Variants in NCAPD3 observed in about 807,000 individuals in gnomAD.
NCAPD3 encodes condensin-2 complex subunit D3.
In NCAPD3, 105 loss-of-function variants were observed where a neutral mutation model predicts 182.9. The ratio of observed to expected loss-of-function variants is 0.57; its 90% CI spans 0.49 to 0.68. The LOEUF (loss-of-function observed/expected upper bound fraction) is 0.68. NCAPD3 is among the 30% of genes least tolerant of loss of function. The pLI is 0.00. For missense variants in NCAPD3, 1,944 were observed against 1,837.0 expected, an observed-to-expected ratio of 1.06 and a Z score of -1.07; for synonymous variants, 815 against 679.9, an observed-to-expected ratio of 1.20 and a Z score of -3.09.
intron 16 of NCAPD3, among the ~76,000 whole-genome samples, chr11:134,189,567 GT>G (rs1944481694): frequency 6.6e-6 from 1 of 151,906 alleles, no homozygotes; most frequent in Non-Finnish European, 1.5e-5. Flanking sequence ...CTTTTTTGAG[GT>G]TTTCCTCTAC....
At chr11:134,180,131 C>G (rs1276119007) in intron 20 of NCAPD3, among the ~76,000 whole-genome samples, 1 of 152,004 alleles carries the variant, frequency 6.6e-6, no homozygotes, top group Admixed American at 6.6e-5. Context: ...AGCCCTGGGC[C>G]AAGCCTGTGC....
chr11:134,172,469 C>T (rs982529863), intron 24 of NCAPD3, among the ~76,000 whole-genome samples: 1 of 152,192 alleles, frequency 6.6e-6, no homozygotes. Flanking sequence ...CAGATAGTCG[C>T]GTGCTTGCTT....
chr11:134,225,412 G>A (rs1183281474), upstream of NCAPD3: 1 of 1,507,902 alleles, frequency 6.6e-7, no homozygotes. Context: ...GTGATTCAGG[G>A]CCCAGCTCCT....
At chr11:134,195,600 G>A (rs952406621) in intron 13 of NCAPD3, among the ~76,000 whole-genome samples, 2 of 151,820 alleles carry the variant, frequency 1.3e-5, no homozygotes, top group African/African-American at 4.8e-5. Context: ...ATAGTGAAAA[G>A]GCTGGATGTG....
chr11:134,209,122 C>A, intron 6 of NCAPD3, 23 bp downstream of exon 6: 1 of 1,605,868 alleles, frequency 6.2e-7, no homozygotes, highest in South Asian at 1.1e-5. Context: ...TAAATTGTAG[C>A]ACTGGAAGAT....
chr11:134,192,899 C>T lies in NCAPD3; in HGVS notation c.1835G>A (p.Arg612Lys). 1 of 1,603,616 alleles carries T rather than the reference C, an allele frequency of 6.2e-7. No individual in the cohort carries two copies. The highest frequency in any genetic ancestry group is 8.5e-7 in the Non-Finnish European group (1 of 1,170,560). Residue 612 changes from arginine to lysine, a missense_variant, in exon 16 of 35, where the codon AGA becomes AAA. Physicochemically the swap from Arg to Lys is conservative, Grantham distance 26 (BLOSUM62 2). Around this residue, in one of 3 missense-constraint regions of NCAPD3, gnomAD observed 1,803 missense variants for 1,674.6 expected, o/e 1.08. Transcript: ENST00000534548. ...CCAGGCTTTCTGGATCTGCACGCATCTAGGCTGAGCCTTAGGAGTGAAAGA... is the reference window on the plus strand; with the variant it reads ...CCAGGCTTTCTGGATCTGCACGCATTTAGGCTGAGCCTTAGGAGTGAAAGA... The part of the protein sequence containing the change: ...SLTELLMAQP[R>K]CVQIQKAWLR...
At chr11:134,164,354 G>A (rs78990206) in intron 27 of NCAPD3, among the ~76,000 whole-genome samples, 10,586 of 152,306 alleles carry the variant, frequency 0.07, 1,275 homozygotes, top group African/African-American at 0.24. Context: ...AGAGACACCC[G>A]GAGCACGTCC....
At chr11:134,161,930 CT>C (rs1215609186) in intron 27 of NCAPD3, 39 bp from the exon 28 acceptor site, 1 of 1,114,496 alleles carries the variant, frequency 9.0e-7, no homozygotes, top group Admixed American at 2.5e-5. Flanking sequence ...GATGTATGAA[CT>C]TCTGAAAGAC....
rs774185836 is a variant in NCAPD3, at chr11:134,168,161, C to G, written c.3408G>C (p.Leu1136=). Residue 1136 remains leucine, a synonymous_variant, in exon 27 of 35, where the codon CTG becomes CTC. Transcript: ENST00000534548. ...CFADGILPLD[L]DASELLSDTF... is the part of the protein sequence containing the mutation. ...TGTCTGAGAGTAACTCACTGGCGTC[C>G]AGGTCCAGGGGTAGGATGCCATCAG... 5.6e-6 allele frequency: 9 copies of G among 1,614,010 alleles called. No individual in the cohort carries two copies. The Admixed American group carries it at 1.5e-4, about 27-fold the overall frequency.
At chr11:134,224,946 C>T (rs1412527335), upstream of NCAPD3, 4 of 342,492 alleles carry the variant, frequency 1.2e-5, no homozygotes, top group Non-Finnish European at 1.9e-5. Context: ...TGCCCCTCCC[C>T]CGTGGAGCCG....
At chr11:134,189,707 ATTGGGC>A (rs1322103282) in intron 16 of NCAPD3, among the ~76,000 whole-genome samples, 2 of 152,184 alleles carry the variant, frequency 1.3e-5, no homozygotes, top group African/African-American at 2.4e-5. Context: ...ATGTGTGCTT[ATTGGGC>A]ATGGGGTTTT....
rs112640641 is a variant in NCAPD3 at position 134,204,970 on chromosome 11, C to T, written c.1018G>A (p.Ala340Thr). ...CRNQAVQFIS[A>T]LVDELKESIF... ...CTCTCCTTTAATTCATCCACAAGGGCGCTTTGTAAAAGAAAAACACATCTA... is the reference window on the plus strand; with the variant it reads ...CTCTCCTTTAATTCATCCACAAGGGTGCTTTGTAAAAGAAAAACACATCTA... The change falls in exon 9 of 35, where the codon GCC becomes ACC. Residue 340 changes from alanine (A) to threonine (T), a missense_variant and splice_region_variant. Physicochemically the swap from Ala to Thr is moderately conservative, Grantham distance 58. Around this residue, in one of 3 missense-constraint regions of NCAPD3, gnomAD observed 1,803 missense variants for 1,674.6 expected, o/e 1.08. Transcript: ENST00000534548. This position sits in a 1 kb window ranked among gnomAD's most constrained non-coding sequence, Gnocchi z 4.3. The T allele has an allele frequency of 4.1e-5, 66 of 1,612,718 alleles. No homozygotes were observed. Among genetic ancestry groups the T allele is most frequent in the Middle Eastern group, 3.3e-4 (2 of 6,058 alleles).
intron 1 of NCAPD3, 45 bp from the exon 2 acceptor site, chr11:134,220,771 A>G: frequency 6.4e-7 from 1 of 1,558,926 alleles, no homozygotes; most frequent in Non-Finnish European, 8.8e-7. Flanking sequence ...TGTAACAAGT[A>G]AAAAAACTAG....
Position 134,167,345 on chromosome 11 carries a change from C to CACTA in NCAPD3, c.3573+650_3573+651insTAGT, listed in dbSNP as rs10656991. Among the ~76,000 whole-genome samples, 14 of 49,122 alleles carry CACTA rather than the reference C, an allele frequency of 2.9e-4. 1 individual carries two copies. The highest frequency in any genetic ancestry group is 1.8e-3 in the East Asian group (2 of 1,138). The allele number at this position is 49,122 out of a possible 152,430, so 32.2% of individuals were successfully genotyped here. Reference sequence around the variant, plus strand: ...AATGAGCCTGGGGGAGGCGCACACTCGTGAGATGAGCTTGGGGGAGGCGCA... The same window carrying CACTA: ...AATGAGCCTGGGGGAGGCGCACACTCACTAGTGAGATGAGCTTGGGGGAGGCGCA... On this transcript the variant is annotated intron_variant, in intron 27 of 34. Transcript: ENST00000534548.
At chr11:134,153,400 G>A (rs745422359) in intron 32 of NCAPD3, 37 bp from the exon 33 acceptor site, 54 of 1,604,376 alleles carry the variant, frequency 3.4e-5, no homozygotes, top group African/African-American at 4.0e-5. Context: ...TGAAAGCCGC[G>A]TGGTCTATCG....
Position 134,158,026 on chromosome 11 carries a change from T to G in NCAPD3, c.4076A>C (p.Lys1359Thr). ...CCTGCTCTTTGACTCCACGGCTTTC[T>G]TGACAGAATTCAGGATTGCAATGGT... ...LSTIAILNSV[K>T]KAVESKSRHR... Residue 1359 changes from lysine to threonine, a missense_variant, in exon 31 of 35, where the codon AAG (lysine) becomes ACG (threonine). By Grantham distance (78) the Lys-to-Thr change is moderately conservative. Transcript: ENST00000534548. 1 of 1,614,208 alleles carries G rather than the reference T, an allele frequency of 6.2e-7. No individual in the cohort carries two copies. Among genetic ancestry groups the G allele is most frequent in the Non-Finnish European group, 8.5e-7 (1 of 1,180,036 alleles).
chr11:134,223,805 T>G, intron 1 of NCAPD3, 58 bp downstream of exon 1: 4 of 1,459,774 alleles, frequency 2.7e-6, no homozygotes, highest in Non-Finnish European at 3.8e-6. Context: ...TTAGGCATCG[T>G]CGGGGACGCA....
chr11:134,216,632 G>A (rs770480990), intron 3 of NCAPD3, among the ~76,000 whole-genome samples: 2 of 152,262 alleles, frequency 1.3e-5, no homozygotes, highest in East Asian at 3.9e-4. Context: ...GAGAAGAAAG[G>A]GCAATATCAG....
rs772143741 is a variant in NCAPD3, at chr11:134,223,840, G to T, written c.64+23C>A. On this transcript the variant is annotated intron_variant, in intron 1 of 34. Transcript: ENST00000534548. ...ATAGGACCCTCGCCCTGGCCCCCGG[G>T]CCTCCCGGCTGCATCTGCTCACCGA... is the stretch of plus-strand genomic sequence containing the variant. 2.7e-5 allele frequency: 44 copies of T among 1,609,660 alleles called. 1 individual carries two copies. Among genetic ancestry groups the T allele is most frequent in the Non-Finnish European group, 3.7e-5 (44 of 1,178,860 alleles).
Sources: gnomAD v4.1 joint callset for allele counts (sites outside exome capture counted in the v4.1 genomes callset) on GRCh38, gnomAD v4.1.1 for gene constraint, gnomAD v4.1.1 regional missense constraint, Gnocchi (gnomAD v3.1) non-coding constraint, MANE v1.5 for transcripts, NCBI Gene and HGNC (gene_info 2026-07-23, HGNC 2026-07-21) for gene names.